CYP19A1: variants seen among roughly 807,000 people sequenced by gnomAD.
CYP19A1 encodes the protein aromatase.
A neutral mutation model predicts 44.4 loss-of-function variants in CYP19A1; 32 were observed. The ratio of observed to expected loss-of-function variants is 0.72; its 90% CI spans 0.54 to 0.97. The LOEUF (loss-of-function observed/expected upper bound fraction) is 0.97, where lower values mean the gene tolerates loss of function less well. Among genes scored for constraint, CYP19A1 ranks in the 50% least tolerant of loss-of-function variants. CYP19A1 has a pLI of 0.00. For synonymous variants in CYP19A1, 212 were observed against 215.6 expected, an observed-to-expected ratio of 0.98 and a Z score of 0.14; for missense variants, 598 against 637.8, an observed-to-expected ratio of 0.94 and a Z score of 0.67.
chr15:51,287,502 C>T (rs1168359505), intron 1 of CYP19A1, among the ~76,000 whole-genome samples: 1 of 152,190 alleles, frequency 6.6e-6, no homozygotes, highest in Non-Finnish European at 1.5e-5. Context: ...GTGTGGGCCT[C>T]GTCAGCACTC....
At chr15:51,334,101 T>C (rs1341323994) in intron 1 of CYP19A1, among the ~76,000 whole-genome samples, 1 of 152,232 alleles carries the variant, frequency 6.6e-6, no homozygotes, top group African/African-American at 2.4e-5. Context: ...GCTCCAGGTT[T>C]GTTTTTAAGC....
chr15:51,270,806 GCAGA>G (rs1466471049), intron 1 of CYP19A1, among the ~76,000 whole-genome samples: 1 of 152,158 alleles, frequency 6.6e-6, no homozygotes, highest in Non-Finnish European at 1.5e-5. Context: ...GGCTACACAG[GCAGA>G]CAGATTCCAA....
intron 1 of CYP19A1, among the ~76,000 whole-genome samples, chr15:51,275,162 C>A (rs981099748): frequency 2.0e-5 from 3 of 152,210 alleles, no homozygotes; most frequent in Non-Finnish European, 2.9e-5. Context: ...AGAAAGGGAA[C>A]CTCAAAGAGT....
At chr15:51,234,728 C>T (rs759337400) in intron 3 of CYP19A1, among the ~76,000 whole-genome samples, 2 of 152,160 alleles carry the variant, frequency 1.3e-5, no homozygotes, top group African/African-American at 2.4e-5. Context: ...TCCACCCTCT[C>T]TCTAGATGGA....
intron 1 of CYP19A1, among the ~76,000 whole-genome samples, chr15:51,291,941 T>C (rs1335611631): frequency 6.6e-6 from 1 of 152,152 alleles, no homozygotes; most frequent in African/African-American, 2.4e-5. Context: ...TAGAACACTT[T>C]ACACTGACAA....
chr15:51,272,466 C>G (rs545463210), intron 1 of CYP19A1, among the ~76,000 whole-genome samples: 2 of 152,178 alleles, frequency 1.3e-5, no homozygotes, highest in Non-Finnish European at 2.9e-5. Flanking sequence ...TGGTGTTGGC[C>G]TCATTGGCAG....
intron 1 of CYP19A1, among the ~76,000 whole-genome samples, chr15:51,335,534 G>A (rs953721555): frequency 2.0e-5 from 3 of 152,096 alleles, no homozygotes; most frequent in Admixed American, 6.5e-5. Context: ...ATTTAGTCAC[G>A]GTTCTGTTTT....
intron 1 of CYP19A1, among the ~76,000 whole-genome samples, chr15:51,337,382 G>A (rs935270370): frequency 2.0e-5 from 3 of 152,180 alleles, no homozygotes; most frequent in Non-Finnish European, 2.9e-5. Flanking sequence ...ATACCAACCC[G>A]TGTTGAACAT....
At chr15:51,224,873 A>G (rs745887621) in intron 4 of CYP19A1, among the ~76,000 whole-genome samples, 12 of 152,126 alleles carry the variant, frequency 7.9e-5, no homozygotes, top group Admixed American at 3.3e-4. Flanking sequence ...ACTTACCGAC[A>G]GGGCCCTGGA....
chr15:51,282,112 G>A (rs1377038428), intron 1 of CYP19A1, among the ~76,000 whole-genome samples: 1 of 152,198 alleles, frequency 6.6e-6, no homozygotes, highest in South Asian at 2.1e-4. Context: ...CTGAGACAGA[G>A]AGGCTGGAGT....
chr15:51,305,057 G>A (rs1345323567), intron 1 of CYP19A1, among the ~76,000 whole-genome samples: 3 of 151,552 alleles, frequency 2.0e-5, no homozygotes, highest in African/African-American at 4.9e-5. Context: ...CTGCCACCAC[G>A]CCCAGCTAAT....
intron 1 of CYP19A1, among the ~76,000 whole-genome samples, chr15:51,335,979 C>T (rs949690774): frequency 2.0e-5 from 3 of 152,208 alleles, no homozygotes; most frequent in Non-Finnish European, 4.4e-5. Flanking sequence ...GGGCCTTGAA[C>T]GTGTTGTTCC....
At chr15:51,227,625 G>A (rs890022076) in intron 4 of CYP19A1, among the ~76,000 whole-genome samples, 154 bp downstream of exon 4, 8 of 151,578 alleles carry the variant, frequency 5.3e-5, no homozygotes, top group Non-Finnish European at 4.4e-5. Context: ...AGCCAAGGTC[G>A]TGAGCCAAGG....
At chr15:51,219,584 T>G (rs2141054115) in intron 5 of CYP19A1, among the ~76,000 whole-genome samples, 1 of 152,360 alleles carries the variant, frequency 6.6e-6, no homozygotes, top group Admixed American at 6.5e-5. Flanking sequence ...GCCCTGAGGC[T>G]GGAGCTGCTT....
chr15:51,275,146 T>TGTG (rs907108566), intron 1 of CYP19A1, among the ~76,000 whole-genome samples: 57 of 152,348 alleles, frequency 3.7e-4, no homozygotes, highest in African/African-American at 1.3e-3. Context: ...TCAGAACTGT[T>TGTG]CACACAGAAA....
In CYP19A1 at chr15:51,212,382, T is replaced by C; in HGVS notation, c.1201A>G (p.Met401Val). The C allele has an allele frequency of 1.3e-6, 2 of 1,591,130 alleles. No homozygotes were observed. The highest frequency in any genetic ancestry group is 1.7e-6 in the Non-Finnish European group (2 of 1,158,984). ...TTGGGGAAAAACTCGAGTCTGTGCA[T>C]CCTTCCAATATTCAGGATAATGTTT... Reference protein sequence around the residue: ...GTNIILNIGRMHRLEFFPKPN... With the variant: ...GTNIILNIGRVHRLEFFPKPN... The change falls in exon 9 of 10, where the codon ATG (methionine) becomes GTG (valine). Residue 401 changes from methionine (M) to valine (V), a missense_variant. Physicochemically the swap from Met to Val is conservative, Grantham distance 21. Coordinates refer to ENST00000396402, the MANE Select transcript of CYP19A1 (RefSeq NM_000103.4).
At chr15:51,275,097 C>T (rs1052293622) in intron 1 of CYP19A1, among the ~76,000 whole-genome samples, 2 of 152,168 alleles carry the variant, frequency 1.3e-5, no homozygotes, top group Non-Finnish European at 2.9e-5. Flanking sequence ...TGTTGTGGCC[C>T]GTGTCAGGGT....
chr15:51,283,413 G>A lies in CYP19A1; in HGVS notation c.-38-40463C>T, dbSNP rs143193409. On this transcript the variant is annotated intron_variant, in intron 1 of 9. Transcript: ENST00000396402. ...TCTATTCAAAAAGCTAGAGCCGAGG[G>A]AGACCTTGAAGTATGGCAATTTCCC... Among the ~76,000 whole-genome samples the A allele has an allele frequency of 4.1e-3, 620 of 152,282 alleles. 6 individuals carry two copies. Among genetic ancestry groups the A allele is most frequent in the African/African-American group, 0.014 (589 of 41,554 alleles).
chr15:51,325,675 T>C (rs1461971383), intron 1 of CYP19A1, among the ~76,000 whole-genome samples: 1 of 151,756 alleles, frequency 6.6e-6, no homozygotes, highest in Admixed American at 6.6e-5. Flanking sequence ...CCGTCTCTAC[T>C]AAAAATACAA....
Sources: allele counts gnomAD v4.1 joint callset (sites outside exome capture counted in the v4.1 genomes callset), GRCh38; gene constraint gnomAD v4.1.1; transcripts MANE v1.5; gene names NCBI Gene and HGNC (gene_info 2026-07-23, HGNC 2026-07-21).